Variants in VPS13B observed in about 807,000 individuals in gnomAD.
VPS13B encodes the protein vacuolar protein sorting 13 homolog B.
Under a neutral mutation model 426.4 loss-of-function variants are expected in VPS13B, and 285 were observed. The observed-to-expected ratio is 0.67, with a 90% CI of 0.61 to 0.74. VPS13B has a LOEUF of 0.74. Ranked by LOEUF, VPS13B falls within the 30% of genes least tolerant of loss-of-function variation. VPS13B has a pLI of 0.00. For missense variants in VPS13B, 4,537 were observed against 4,782.6 expected (o/e 0.95, Z 1.51); for synonymous variants, 1,676 against 1,676.4 (o/e 1.00, Z 0.01).
At chr8:99,255,193 C>A (rs998552023) in intron 17 of VPS13B, among the ~76,000 whole-genome samples, 1 of 152,022 alleles carries the variant, frequency 6.6e-6, no homozygotes, top group Admixed American at 6.5e-5. Context: ...TTTTTCAGTA[C>A]TGAAATTTGT....
intron 39 of VPS13B, among the ~76,000 whole-genome samples, chr8:99,763,387 T>A (rs1588692418): frequency 6.6e-6 from 1 of 152,300 alleles, no homozygotes; most frequent in South Asian, 2.1e-4. Context: ...TTTGCTGTAT[T>A]CACTATCCCA....
At chr8:99,070,626 A>G in intron 3 of VPS13B, among the ~76,000 whole-genome samples, 1 of 152,048 alleles carries the variant, frequency 6.6e-6, no homozygotes, top group South Asian at 2.1e-4. Flanking sequence ...AGAGACATAT[A>G]TTATCTATAG....
intron 25 of VPS13B, among the ~76,000 whole-genome samples, chr8:99,489,914 G>A (rs571692428): frequency 1.3e-5 from 2 of 152,156 alleles, no homozygotes; most frequent in East Asian, 3.9e-4. Flanking sequence ...CTGCCTGATT[G>A]CCCTGGTTGG....
At chr8:99,101,626 A>G (rs1171952554) in intron 4 of VPS13B, among the ~76,000 whole-genome samples, 1 of 152,222 alleles carries the variant, frequency 6.6e-6, no homozygotes, top group African/African-American at 2.4e-5. Context: ...AGCATGTGAT[A>G]ATTGGCACTC....
chr8:99,102,877 G>C, intron 4 of VPS13B, 76 bp from the exon 5 acceptor site: 3 of 1,365,036 alleles, frequency 2.2e-6, no homozygotes, highest in Non-Finnish European at 3.1e-6. Context: ...CATACATTAA[G>C]TTCAATAACA....
chr8:99,600,725 G>C (rs916634555), intron 33 of VPS13B, among the ~76,000 whole-genome samples: 1 of 152,178 alleles, frequency 6.6e-6, no homozygotes, highest in African/African-American at 2.4e-5. Flanking sequence ...CACATGTATT[G>C]AAGCAGAGCG....
intron 30 of VPS13B, among the ~76,000 whole-genome samples, chr8:99,530,285 C>T (rs1186205456): frequency 6.6e-6 from 1 of 152,058 alleles, no homozygotes; most frequent in Non-Finnish European, 1.5e-5. Flanking sequence ...AATGGCTGAC[C>T]TACCTTTATG....
intron 23 of VPS13B, among the ~76,000 whole-genome samples, chr8:99,462,682 T>G (rs1466307195): frequency 2.0e-5 from 3 of 152,160 alleles, no homozygotes; most frequent in Non-Finnish European, 4.4e-5. Context: ...TCCCTCAAAT[T>G]CATATGTTGA....
intron 2 of VPS13B, among the ~76,000 whole-genome samples, chr8:99,024,361 T>G (rs1842041255): frequency 6.6e-6 from 1 of 152,252 alleles, no homozygotes. Flanking sequence ...TAAAATACAA[T>G]AAAATATTTG....
At chr8:99,153,031 A>G (rs540847652) in intron 14 of VPS13B, among the ~76,000 whole-genome samples, 17 of 152,168 alleles carry the variant, frequency 1.1e-4, no homozygotes, top group Middle Eastern at 6.8e-3. Context: ...TTAGCCAGGC[A>G]TGCTGGTGTG....
At chr8:99,187,002 G>A (rs182363151) in intron 16 of VPS13B, among the ~76,000 whole-genome samples, 2 of 152,146 alleles carry the variant, frequency 1.3e-5, no homozygotes, top group African/African-American at 4.8e-5. Context: ...GTAAAGACCT[G>A]CTTGTAAAAA....
intron 7 of VPS13B, 123 bp from the exon 8 acceptor site, chr8:99,121,052 CTG>C: frequency 1.3e-6 from 1 of 772,622 alleles, no homozygotes; most frequent in Non-Finnish European, 2.0e-6. Context: ...GTAATAATCA[CTG>C]TATCATTTGT....
chr8:99,128,386 CAAAAAAAAAAAAAAAAAAAA>C (rs71273165), intron 8 of VPS13B, among the ~76,000 whole-genome samples: 33 of 34,224 alleles, frequency 9.6e-4, no homozygotes, highest in East Asian at 8.5e-3. Context: ...GATACTGTCC[CAAAAAAAAAAAAAAAAAAAA>C]AAAAAAAAAA....
At chr8:99,188,410 T>TA (rs1193293479) in intron 16 of VPS13B, among the ~76,000 whole-genome samples, 4 of 152,206 alleles carry the variant, frequency 2.6e-5, no homozygotes, top group Non-Finnish European at 5.9e-5. Context: ...CATGTATCAG[T>TA]ATTTAATTTT....
At chr8:99,818,372 C>A in intron 45 of VPS13B, 79 bp from the exon 46 acceptor site, 1 of 1,351,458 alleles carries the variant, frequency 7.4e-7, no homozygotes, top group Admixed American at 1.7e-5. Context: ...ATCTTCCAAA[C>A]TGATGTATCT....
chr8:99,176,585 C>G (rs1284548442), intron 16 of VPS13B, among the ~76,000 whole-genome samples: 1 of 152,066 alleles, frequency 6.6e-6, no homozygotes, highest in Non-Finnish European at 1.5e-5. Flanking sequence ...GTTGCCTGCC[C>G]TTTCAAGAAA....
At chr8:99,052,500 AT>A (rs1356315999) in intron 3 of VPS13B, among the ~76,000 whole-genome samples, 1 of 122,904 alleles carries the variant, frequency 8.1e-6, no homozygotes, top group Non-Finnish European at 1.7e-5. Context: ...GTCTTTTTGT[AT>A]TGTGTCTCTG....
intron 3 of VPS13B, among the ~76,000 whole-genome samples, chr8:99,065,309 C>G (rs1426560954): frequency 6.6e-6 from 1 of 152,182 alleles, no homozygotes; most frequent in African/African-American, 2.4e-5. Flanking sequence ...AAAAGCTTAT[C>G]CACCACGATC....
intron 30 of VPS13B, among the ~76,000 whole-genome samples, chr8:99,539,878 AG>A (rs748773089): frequency 1.8e-4 from 27 of 148,948 alleles, no homozygotes; most frequent in Middle Eastern, 6.9e-3. Context: ...AAAACAGAAA[AG>A]GACTCATTTA....
Sources: gnomAD v4.1 joint callset for allele counts (sites outside exome capture counted in the v4.1 genomes callset) on GRCh38, gnomAD v4.1.1 for gene constraint, MANE v1.5 for transcripts, NCBI Gene and HGNC (gene_info 2026-07-23, HGNC 2026-07-21) for gene names.